SCLT1: variants seen among roughly 807,000 people sequenced by gnomAD.
SCLT1 encodes the protein sodium channel and clathrin linker 1, also known as sodium channel-associated protein 1.
SCLT1 carries 78 observed loss-of-function variants against 112.8 expected under a neutral mutation model. That is an observed-to-expected ratio of 0.69 (90% CI 0.58 to 0.83). The LOEUF (loss-of-function observed/expected upper bound fraction) is 0.83. SCLT1 is among the 40% of genes least tolerant of loss of function. The pLI is 0.00. For synonymous variants in SCLT1, 257 were observed against 254.7 expected, an observed-to-expected ratio of 1.01 and a Z score of -0.09; for missense variants, 747 against 770.4, an observed-to-expected ratio of 0.97 and a Z score of 0.36.
intron 2 of SCLT1, among the ~76,000 whole-genome samples, chr4:129,076,601 T>C (rs72926066): frequency 0.014 from 2,188 of 151,760 alleles, 47 homozygotes; most frequent in African/African-American, 0.044. Flanking sequence ...TAACCTTAGC[T>C]CCCTCAGTAG....
At chr4:129,011,340 T>C (rs562222346) in intron 5 of SCLT1, among the ~76,000 whole-genome samples, 1 of 152,292 alleles carries the variant, frequency 6.6e-6, no homozygotes, top group East Asian at 1.9e-4. Flanking sequence ...TTGAGGATTT[T>C]TGTCTCTATG....
intron 5 of SCLT1, among the ~76,000 whole-genome samples, chr4:129,022,163 T>C (rs1352774924): frequency 1.3e-5 from 2 of 151,944 alleles, no homozygotes; most frequent in Non-Finnish European, 2.9e-5. Flanking sequence ...AAATCAAAGG[T>C]AGATAAATCC....
intron 9 of SCLT1, among the ~76,000 whole-genome samples, chr4:128,980,166 A>G (rs1009148308): frequency 3.9e-5 from 6 of 152,128 alleles, no homozygotes; most frequent in African/African-American, 1.2e-4. Context: ...CTCACATGGG[A>G]TTGTTTCCAA....
rs2126069381 is a variant in SCLT1 at position 128,992,237 on chromosome 4, T to A, written c.616A>T (p.Thr206Ser). The A allele has an allele frequency of 6.3e-7, 1 of 1,586,240 alleles. No homozygotes were observed. The highest frequency in any genetic ancestry group is 8.6e-7 in the Non-Finnish European group (1 of 1,161,628). Reference sequence around the variant, plus strand: ...ACTGTTTTCAGAAACTGTTGGTTAGTCTGCCACAAGAAAAAAAAAGAATCA... The same window carrying A: ...ACTGTTTTCAGAAACTGTTGGTTAGACTGCCACAAGAAAAAAAAAGAATCA... ...LHVTNENMEV[T>S]NQQFLKTVTE... Residue 206 changes from threonine (T) to serine (S), a missense_variant and splice_region_variant, in exon 9 of 21, where the codon ACT becomes TCT. Thr to Ser is a moderately conservative substitution (Grantham distance 58). Around this residue, in one of 2 missense-constraint regions of SCLT1, gnomAD observed 723 missense variants for 721.3 expected, o/e 1.00. Coordinates refer to ENST00000281142, the MANE Select transcript of SCLT1 (RefSeq NM_144643.4).
At chr4:128,947,549 C>G (rs1416122566) in intron 15 of SCLT1, among the ~76,000 whole-genome samples, 1 of 152,162 alleles carries the variant, frequency 6.6e-6, no homozygotes, top group Non-Finnish European at 1.5e-5. Context: ...AACTCTGACT[C>G]TACCATTTAC....
At chr4:129,061,166 G>A (rs1041679743) in intron 2 of SCLT1, among the ~76,000 whole-genome samples, 2 of 152,210 alleles carry the variant, frequency 1.3e-5, no homozygotes, top group Non-Finnish European at 2.9e-5. Context: ...ATGTAGTGGT[G>A]ACTATAGACC....
chr4:128,993,476 A>G (rs1315100820), intron 8 of SCLT1, among the ~76,000 whole-genome samples: 2 of 152,124 alleles, frequency 1.3e-5, no homozygotes, highest in Admixed American at 6.6e-5. Context: ...AGCAATTAAC[A>G]GAAGTATAAG....
chr4:128,914,837 C>A (rs772849728), intron 18 of SCLT1, among the ~76,000 whole-genome samples: 4 of 152,082 alleles, frequency 2.6e-5, no homozygotes, highest in Non-Finnish European at 4.4e-5. Flanking sequence ...AAAGCCCACA[C>A]AAACAAATAA....
intron 2 of SCLT1, among the ~76,000 whole-genome samples, chr4:129,044,592 T>C (rs1748007487): frequency 6.6e-6 from 1 of 151,908 alleles, no homozygotes; most frequent in Admixed American, 6.6e-5. Context: ...CAGGAGCTTA[T>C]TGAGAAAATT....
chr4:129,074,423 GA>G (rs1348861261), intron 2 of SCLT1, among the ~76,000 whole-genome samples: 1 of 152,042 alleles, frequency 6.6e-6, no homozygotes, highest in Non-Finnish European at 1.5e-5. Context: ...AACAGAGATA[GA>G]AAATCTTTGA....
At chr4:129,049,095 A>C (rs1240624961) in intron 2 of SCLT1, among the ~76,000 whole-genome samples, 1 of 152,010 alleles carries the variant, frequency 6.6e-6, no homozygotes. Context: ...ATCTAGAACT[A>C]GAAATACCAT....
intron 17 of SCLT1, among the ~76,000 whole-genome samples, chr4:128,940,483 T>C (rs921820492): frequency 3.3e-5 from 5 of 151,994 alleles, no homozygotes; most frequent in Non-Finnish European, 7.4e-5. Context: ...GATTACTACA[T>C]GTATGTGTGT....
At position 129,022,600 on chromosome 4, in the gene SCLT1, A is replaced by C. The variant is rs531347118; in HGVS notation, c.290+16441T>G. Among the ~76,000 whole-genome samples, 3 of 152,326 alleles carry C rather than the reference A, an allele frequency of 2.0e-5. No homozygotes were observed. In the South Asian group the frequency reaches 6.2e-4, roughly 32 times the overall value. ...ATCTGAAGGAAAGATTAGAGAAAAA[A>C]GCATGAAAAGGAATGAACAAAGACT... On this transcript the variant is annotated intron_variant, in intron 5 of 20. Transcript: ENST00000281142.
chr4:129,023,996 C>T (rs1481544735), intron 5 of SCLT1, among the ~76,000 whole-genome samples: 3 of 152,212 alleles, frequency 2.0e-5, no homozygotes, highest in Non-Finnish European at 4.4e-5. Context: ...GAGGGGCGCC[C>T]GCCATTGCCC....
intron 17 of SCLT1, 132 bp downstream of exon 17, chr4:128,942,864 A>G: frequency 1.7e-6 from 1 of 582,078 alleles, no homozygotes; most frequent in Non-Finnish European, 3.0e-6. Context: ...AACACTCTGA[A>G]TTATGATTTA....
chr4:128,945,553 A>AG (rs1433727872), intron 16 of SCLT1, among the ~76,000 whole-genome samples: 3 of 152,162 alleles, frequency 2.0e-5, no homozygotes, highest in Admixed American at 6.5e-5. Context: ...TTGCTATATT[A>AG]GGTAATACCG....
intron 2 of SCLT1, among the ~76,000 whole-genome samples, chr4:129,058,042 C>A (rs528569979): frequency 5.3e-5 from 8 of 152,286 alleles, no homozygotes; most frequent in African/African-American, 1.9e-4. Flanking sequence ...AGCCATCATG[C>A]CTGGCCCAAT....
chr4:129,048,548 C>A (rs1050006869), intron 2 of SCLT1, among the ~76,000 whole-genome samples: 1 of 151,178 alleles, frequency 6.6e-6, no homozygotes, highest in Admixed American at 6.6e-5. Flanking sequence ...CTAGGCATTA[C>A]CATTCAGGAC....
chr4:129,071,723 ATAGT>A (rs1322177107), intron 2 of SCLT1, among the ~76,000 whole-genome samples: 13 of 152,118 alleles, frequency 8.5e-5, no homozygotes, highest in East Asian at 1.9e-4. Context: ...AAGGCAGCAG[ATAGT>A]TGGTTGGTGA....
Sources: gnomAD v4.1 joint callset for allele counts (sites outside exome capture counted in the v4.1 genomes callset) on GRCh38, gnomAD v4.1.1 for gene constraint, gnomAD v4.1.1 regional missense constraint, MANE v1.5 for transcripts, NCBI Gene and HGNC (gene_info 2026-07-23, HGNC 2026-07-21) for gene names.